TRIM44: variants seen among roughly 807,000 people sequenced by gnomAD.
The protein encoded by TRIM44 is tripartite motif containing 44.
Under a neutral mutation model 37.4 loss-of-function variants are expected in TRIM44, and 13 were observed. The ratio of observed to expected loss-of-function variants is 0.35; its 90% CI spans 0.23 to 0.55. TRIM44 has a LOEUF of 0.55. Among genes scored for constraint, TRIM44 ranks in the 20% least tolerant of loss-of-function variants. TRIM44 has a pLI of 0.89. For synonymous variants in TRIM44, 175 were observed against 157.2 expected (o/e 1.11, Z -0.85); for missense variants, 426 against 437.2 (o/e 0.97, Z 0.23).
chr11:35,670,738 T>C (rs1851384805), intron 1 of TRIM44, among the ~76,000 whole-genome samples: 1 of 152,234 alleles, frequency 6.6e-6, no homozygotes, highest in South Asian at 2.1e-4. Context: ...CTTGATTGTA[T>C]GTTACATTTT....
chr11:35,763,556 G>A (rs1852755427), intron 4 of TRIM44, among the ~76,000 whole-genome samples: 1 of 152,166 alleles, frequency 6.6e-6, no homozygotes, highest in Non-Finnish European at 1.5e-5. Context: ...TTTATAAAAT[G>A]AGAGTCCTGA....
intron 4 of TRIM44, among the ~76,000 whole-genome samples, chr11:35,779,309 G>A (rs1440925775): frequency 6.6e-6 from 1 of 152,156 alleles, no homozygotes; most frequent in African/African-American, 2.4e-5. Context: ...GCAGTATTAG[G>A]GTGCAAGTGT....
chr11:35,705,897 G>A (rs186111752), intron 2 of TRIM44, among the ~76,000 whole-genome samples: 1 of 148,502 alleles, frequency 6.7e-6, no homozygotes, highest in Admixed American at 6.8e-5. Context: ...GCAGAGGCAA[G>A]AAATAACTAA....
At chr11:35,731,310 GATAT>G (rs1852256280) in intron 3 of TRIM44, among the ~76,000 whole-genome samples, 1 of 152,078 alleles carries the variant, frequency 6.6e-6, no homozygotes, top group South Asian at 2.1e-4. Context: ...ACTTTTGTGA[GATAT>G]ATCTTCTGTA....
chr11:35,803,652 C>G (rs1213601696), intron 4 of TRIM44, among the ~76,000 whole-genome samples: 1 of 152,088 alleles, frequency 6.6e-6, no homozygotes, highest in Non-Finnish European at 1.5e-5. Context: ...ACCCGGGAGG[C>G]GGAGATTACA....
chr11:35,766,364 C>G (rs1021676011), intron 4 of TRIM44, among the ~76,000 whole-genome samples: 3 of 152,140 alleles, frequency 2.0e-5, no homozygotes, highest in Non-Finnish European at 2.9e-5. Context: ...TTATATAGGG[C>G]TTCTCCTCCC....
chr11:35,757,725 C>A (rs1180611395), intron 4 of TRIM44, among the ~76,000 whole-genome samples: 1 of 152,190 alleles, frequency 6.6e-6, no homozygotes, highest in African/African-American at 2.4e-5. Context: ...TTTCAAAGAA[C>A]ATCTTTCTTT....
At chr11:35,742,198 C>G (rs559352630) in intron 4 of TRIM44, among the ~76,000 whole-genome samples, 7 of 151,962 alleles carry the variant, frequency 4.6e-5, no homozygotes, top group African/African-American at 1.7e-4. Flanking sequence ...CTGCTTCGGC[C>G]TCCCAAAGTG....
intron 2 of TRIM44, among the ~76,000 whole-genome samples, chr11:35,712,440 C>T (rs1851987260): frequency 6.6e-6 from 1 of 152,096 alleles, no homozygotes; most frequent in South Asian, 2.1e-4. Flanking sequence ...TTCTCCCTTC[C>T]CCTGCAGCTT....
At chr11:35,704,184 A>G (rs1851840473) in intron 2 of TRIM44, among the ~76,000 whole-genome samples, 1 of 152,220 alleles carries the variant, frequency 6.6e-6, no homozygotes, top group Non-Finnish European at 1.5e-5. Context: ...AATGAAGGAA[A>G]TGAAGCAAGA....
At chr11:35,673,004 G>T (rs1851415936) in intron 1 of TRIM44, among the ~76,000 whole-genome samples, 1 of 152,180 alleles carries the variant, frequency 6.6e-6, no homozygotes, top group Non-Finnish European at 1.5e-5. Flanking sequence ...TGTGAGGCCT[G>T]CAGTTCTGGG....
chr11:35,714,340 A>G (rs181655900), intron 2 of TRIM44, among the ~76,000 whole-genome samples: 1 of 152,264 alleles, frequency 6.6e-6, no homozygotes, highest in Non-Finnish European at 1.5e-5. Flanking sequence ...GAATGTTATT[A>G]TTACCCTCAT....
intron 4 of TRIM44, among the ~76,000 whole-genome samples, chr11:35,757,105 AGAATTCAGCTGT>A (rs2133857018): frequency 6.6e-6 from 1 of 152,328 alleles, no homozygotes; most frequent in South Asian, 2.1e-4. Flanking sequence ...TACCTCTGGT[AGAATTCAGCTGT>A]GAATCCATCT....
chr11:35,771,064 G>A (rs1032153713), intron 4 of TRIM44, among the ~76,000 whole-genome samples: 10 of 152,158 alleles, frequency 6.6e-5, no homozygotes, highest in African/African-American at 1.2e-4. Context: ...ACCTGAAAAT[G>A]TGGAAGCGAC....
At position 35,799,503 on chromosome 11, in the gene TRIM44, A is replaced by G. The variant is rs1270887224; in HGVS notation, c.1008-6855A>G. Among the ~76,000 whole-genome samples the G allele has an allele frequency of 3.3e-5, 5 of 152,264 alleles. No individual in the cohort carries two copies. In the Middle Eastern group the frequency reaches 0.01, roughly 311 times the overall value. ...AAAAAAGCACGTGCTTGTATCTTCCATCTCTTCATGGTAGGTGTTAATATC... is the reference window on the plus strand; with the variant it reads ...AAAAAAGCACGTGCTTGTATCTTCCGTCTCTTCATGGTAGGTGTTAATATC... On this transcript the variant is annotated intron_variant, in intron 4 of 4. Coordinates refer to ENST00000299413, the MANE Select transcript of TRIM44 (RefSeq NM_017583.6).
intron 4 of TRIM44, among the ~76,000 whole-genome samples, chr11:35,747,377 GAA>G (rs1196791581): frequency 2.6e-5 from 4 of 152,304 alleles, no homozygotes; most frequent in Admixed American, 6.5e-5. Context: ...GATGTTATAA[GAA>G]ATTAAGTGAC....
chr11:35,790,340 A>G (rs1853191159), intron 4 of TRIM44, among the ~76,000 whole-genome samples: 1 of 152,212 alleles, frequency 6.6e-6, no homozygotes, highest in African/African-American at 2.4e-5. Context: ...TTTAGGCTTA[A>G]TGGCTTATGG....
chr11:35,742,672 TGTA>T (rs552967025), intron 4 of TRIM44, among the ~76,000 whole-genome samples: 6,779 of 134,096 alleles, frequency 0.051, 664 homozygotes, highest in African/African-American at 0.18. Context: ...TTATATTAAT[TGTA>T]TTATATATAA....
At chr11:35,740,544 C>T (rs1283831697) in intron 4 of TRIM44, among the ~76,000 whole-genome samples, 1 of 152,078 alleles carries the variant, frequency 6.6e-6, no homozygotes, top group East Asian at 1.9e-4. Flanking sequence ...GGCTGTTATT[C>T]AGGCAAAAAG....
Sources: gnomAD v4.1 joint callset for allele counts (sites outside exome capture counted in the v4.1 genomes callset) on GRCh38, gnomAD v4.1.1 for gene constraint, MANE v1.5 for transcripts, NCBI Gene and HGNC (gene_info 2026-07-23, HGNC 2026-07-21) for gene names.